Variants in ARMC2 observed in about 807,000 individuals in gnomAD.
ARMC2 encodes armadillo repeat-containing protein 2.
A neutral mutation model predicts 90.3 loss-of-function variants in ARMC2; 67 were observed. The observed-to-expected ratio is 0.74, with a 90% CI of 0.61 to 0.91. The LOEUF (loss-of-function observed/expected upper bound fraction) is 0.91, where lower values mean the gene tolerates loss of function less well. ARMC2 is among the 40% of genes least tolerant of loss of function. The pLI is 0.00. For missense variants in ARMC2, 920 were observed against 1,030.9 expected (o/e 0.89, Z 1.47); for synonymous variants, 393 against 393.0 (o/e 1.00, Z 0.00).
chr6:108,910,803 C>T, intron 8 of ARMC2, 96 bp from the exon 9 acceptor site: 1 of 582,566 alleles, frequency 1.7e-6, no homozygotes, highest in Non-Finnish European at 2.8e-6. Context: ...TTTAAAAATA[C>T]TGTTGCTGTA....
chr6:108,914,034 T>C (rs1773699931), intron 10 of ARMC2, among the ~76,000 whole-genome samples: 3 of 152,244 alleles, frequency 2.0e-5, no homozygotes, highest in Admixed American at 2.0e-4. Flanking sequence ...ATATTCACTC[T>C]GTTTTAAATT....
intron 11 of ARMC2, among the ~76,000 whole-genome samples, chr6:108,929,513 CACCCAGG>C (rs1775359101): frequency 6.6e-6 from 1 of 152,132 alleles, no homozygotes; most frequent in South Asian, 2.1e-4. Context: ...CTCGCTTTGT[CACCCAGG>C]CTGGAGTGCA....
chr6:109,014,027 T>C, the ARMC2 span, among the ~76,000 whole-genome samples: 2 of 152,178 alleles, frequency 1.3e-5, no homozygotes, highest in East Asian at 3.9e-4. Context: ...TTTCAGTTCT[T>C]CAATTTTTAG....
intron 1 of ARMC2, among the ~76,000 whole-genome samples, chr6:108,851,661 G>T (rs1220625662): frequency 6.6e-6 from 1 of 152,034 alleles, no homozygotes; most frequent in East Asian, 1.9e-4. Flanking sequence ...CCAGACCATG[G>T]ATTACATGGT....
the ARMC2 span, chr6:109,002,143 A>C: frequency 4.4e-6 from 3 of 679,274 alleles, no homozygotes; most frequent in Middle Eastern, 2.5e-4. Flanking sequence ...ATTCACTGCC[A>C]AAGAATGATT....
chr6:108,994,357 A>G, the ARMC2 span: 1 of 930,356 alleles, frequency 1.1e-6, no homozygotes, highest in Non-Finnish European at 1.6e-6. Flanking sequence ...AGTCTCTCTA[A>G]AAGGAAGGAC....
the ARMC2 span, among the ~76,000 whole-genome samples, chr6:109,015,076 A>T: frequency 6.6e-6 from 1 of 152,282 alleles, no homozygotes; most frequent in South Asian, 2.1e-4. Context: ...CCATTAAAAA[A>T]TTGTTTAAGC....
the ARMC2 span, among the ~76,000 whole-genome samples, chr6:109,025,237 C>T: frequency 6.6e-5 from 10 of 151,854 alleles, no homozygotes; most frequent in African/African-American, 2.4e-4. Context: ...GGTAAAATCT[C>T]CCCTGAATAT....
chr6:108,914,889 C>T (rs902465595), intron 10 of ARMC2, among the ~76,000 whole-genome samples: 10 of 151,912 alleles, frequency 6.6e-5, no homozygotes, highest in Non-Finnish European at 1.3e-4. Flanking sequence ...CAGATCTGGC[C>T]ACAAGCAGAA....
chr6:108,939,131 A>C (rs1429520132), intron 12 of ARMC2, among the ~76,000 whole-genome samples: 1 of 152,208 alleles, frequency 6.6e-6, no homozygotes, highest in African/African-American at 2.4e-5. Context: ...AAAATCCTAA[A>C]GTTTAAATTG....
the ARMC2 span, among the ~76,000 whole-genome samples, chr6:109,051,090 G>A: frequency 6.6e-6 from 1 of 151,932 alleles, no homozygotes; most frequent in Non-Finnish European, 1.5e-5. Flanking sequence ...AATATAACCT[G>A]AGTCCTAAAC....
At chr6:108,854,160 T>G (rs768666569) in intron 1 of ARMC2, 65 bp from the exon 2 acceptor site, 11 of 812,406 alleles carry the variant, frequency 1.4e-5, no homozygotes, top group Non-Finnish European at 2.1e-5. Context: ...TGGATGGGCT[T>G]AAGCATTCGT....
At chr6:108,907,534 A>G in intron 8 of ARMC2, 1 of 1,147,188 alleles carries the variant, frequency 8.7e-7, no homozygotes, top group Non-Finnish European at 1.2e-6. Flanking sequence ...GAATTCAGCA[A>G]CGATCGAGAT....
chr6:109,039,131 AAAGAAAGAAG>A, the ARMC2 span, among the ~76,000 whole-genome samples: 4 of 145,370 alleles, frequency 2.8e-5, no homozygotes, highest in Non-Finnish European at 4.6e-5. Context: ...GGAGAAGGAG[AAAGAAAGAAG>A]AGGAGAAGGA....
intron 17 of ARMC2, among the ~76,000 whole-genome samples, chr6:108,965,958 C>G (rs1302035819): frequency 6.6e-6 from 1 of 151,064 alleles, no homozygotes; most frequent in Admixed American, 6.6e-5. Flanking sequence ...TGGCCAGGAT[C>G]ATTTTTTACA....
chr6:108,950,075 G>T (rs914145700), intron 12 of ARMC2, among the ~76,000 whole-genome samples: 5 of 152,064 alleles, frequency 3.3e-5, no homozygotes, highest in African/African-American at 1.2e-4. Flanking sequence ...GTTTGATGGT[G>T]CATGCCTGTA....
chr6:108,860,124 G>GT (rs201774558), intron 3 of ARMC2, among the ~76,000 whole-genome samples: 1,943 of 149,140 alleles, frequency 0.013, 34 homozygotes, highest in African/African-American at 0.043. Context: ...CCTTTATTGA[G>GT]TTTTTTTTTC....
chr6:108,862,653 G>A (rs1296818234), intron 3 of ARMC2, among the ~76,000 whole-genome samples: 1 of 152,110 alleles, frequency 6.6e-6, no homozygotes, highest in East Asian at 1.9e-4. Flanking sequence ...GCAGAGATAG[G>A]GGAAGGGAGA....
rs752461231 is a variant in ARMC2, at chr6:108,953,272, CA to C, written c.1838del (p.Asn613ThrfsTer18). Reference sequence around the variant, plus strand: ...TCATCAAGCTGACTCGTGTGCTGGCCAACATTGCCATCCACCCGGGCGTGGG... The same window carrying C: ...TCATCAAGCTGACTCGTGTGCTGGCCACATTGCCATCCACCCGGGCGTGGG... Reference protein sequence around the residue: ...VLIKLTRVLANIAIHPGVGPV... With the variant: ...VLIKLTRVLAXIAIHPGVGPV... On this transcript the variant is annotated frameshift_variant, in exon 13 of 18. Coordinates refer to ENST00000392644, the MANE Select transcript of ARMC2 (RefSeq NM_032131.6). LOFTEE classifies it high-confidence loss of function. The C allele has an allele frequency of 2.5e-6, 4 of 1,613,068 alleles. No homozygotes were observed. The highest frequency in any genetic ancestry group is 3.4e-6 in the Non-Finnish European group (4 of 1,179,886).
Sources: gnomAD v4.1 joint callset for allele counts (sites outside exome capture counted in the v4.1 genomes callset) on GRCh38, gnomAD v4.1.1 for gene constraint, MANE v1.5 for transcripts, NCBI Gene and HGNC (gene_info 2026-07-23, HGNC 2026-07-21) for gene names.